Variants in TYW5 observed in about 807,000 individuals in gnomAD.
TYW5 encodes tRNA-yW synthesizing protein 5, also known as tRNA wybutosine-synthesizing protein 5.
TYW5 carries 36 observed loss-of-function variants against 44.4 expected under a neutral mutation model. The ratio of observed to expected loss-of-function variants is 0.81; its 90% CI spans 0.62 to 1.07. TYW5 has a LOEUF of 1.07. Ranked by LOEUF, TYW5 falls within the 50% of genes least tolerant of loss-of-function variation. The pLI, the probability that TYW5 is intolerant of heterozygous loss-of-function variation, is 0.00. For missense variants in TYW5, 354 were observed against 365.7 expected, an observed-to-expected ratio of 0.97 and a Z score of 0.26; for synonymous variants, 121 against 128.1, an observed-to-expected ratio of 0.94 and a Z score of 0.37.
intron 1 of TYW5, among the ~76,000 whole-genome samples, chr2:199,952,610 T>C (rs7556976): frequency 0.14 from 21,001 of 152,292 alleles, 1,761 homozygotes; most frequent in Middle Eastern, 0.23. Flanking sequence ...TCTCCCACTT[T>C]GTATTTGTCT....
At chr2:199,937,414 G>C (rs1487565505) in intron 5 of TYW5, among the ~76,000 whole-genome samples, 1 of 151,774 alleles carries the variant, frequency 6.6e-6, no homozygotes, top group Non-Finnish European at 1.5e-5. Context: ...TGTAATCCTA[G>C]TACTTTGGGA....
intron 1 of TYW5, among the ~76,000 whole-genome samples, chr2:199,951,243 C>T (rs2077542406): frequency 6.6e-6 from 1 of 152,108 alleles, no homozygotes; most frequent in African/African-American, 2.4e-5. Flanking sequence ...GTTGCAGCTT[C>T]CAAGAACCTA....
chr2:199,940,192 T>C, intron 3 of TYW5, 59 bp from the exon 4 acceptor site: 1 of 1,486,220 alleles, frequency 6.7e-7, no homozygotes, highest in Non-Finnish European at 9.4e-7. Flanking sequence ...AATGTAAAAA[T>C]ACTAGGATTT....
In TYW5 at chr2:199,931,624, G is replaced by GAGT. The variant is rs1405768080; in HGVS notation, c.*1440_*1442dup. ...AGACTTTTTTCACCTTTATTCACCTGAGTAACTTACCTGTTTCCAAAGACA... is the reference window on the plus strand; with the variant it reads ...AGACTTTTTTCACCTTTATTCACCTGAGTAGTAACTTACCTGTTTCCAAAGACA... On this transcript the variant is annotated 3_prime_UTR_variant, in exon 8 of 8. Coordinates refer to ENST00000354611, the MANE Select transcript of TYW5 (RefSeq NM_001039693.3). The GAGT allele has an allele frequency of 6.6e-6, 1 of 152,062 alleles. No homozygotes were observed. Among genetic ancestry groups the GAGT allele is most frequent in the African/African-American group, 2.4e-5 (1 of 41,422 alleles). 9.4% of individuals were successfully genotyped at this position (152,062 alleles called of 1,614,324 possible). A position where few individuals can be genotyped will look rare whatever the true frequency, so the allele number is the denominator to read the frequency against.
At chr2:199,940,221 C>CA in intron 3 of TYW5, 88 bp from the exon 4 acceptor site, 1 of 1,178,612 alleles carries the variant, frequency 8.5e-7, no homozygotes, top group East Asian at 2.4e-5. Flanking sequence ...ATCATGTATT[C>CA]ATAATAATTA....
chr2:199,946,691 G>C (rs940364282), intron 2 of TYW5: 5 of 151,990 alleles, frequency 3.3e-5, no homozygotes, highest in African/African-American at 1.2e-4. Context: ...GTGTGTGCAG[G>C]GTTTCTTACT....
chr2:199,933,227 G>A lies in TYW5; in HGVS notation c.788C>T (p.Thr263Ile), dbSNP rs1405989806. 3.7e-6 allele frequency: 6 copies of A among 1,613,852 alleles called. No homozygotes were observed. The African/African-American group carries it at 5.3e-5, about 14-fold the overall frequency. Residue 263 changes from threonine (T) to isoleucine (I), a missense_variant, in exon 8 of 8, where the codon ACC (threonine) becomes ATC (isoleucine). Thr to Ile is a moderately conservative substitution (Grantham distance 89). Transcript: ENST00000354611. ...TGCTGTAGGATCTTTGTTTCCATAG[G>A]TATCTGTTTTATCATAGCATTCAGA... ...LPSECYDKTD[T>I]YGNKDPTAAS...
chr2:199,948,431 A>G lies in TYW5; in HGVS notation c.120T>C (p.Cys40=). 1 of 1,614,156 alleles carries G rather than the reference A, an allele frequency of 6.2e-7. No individual in the cohort carries two copies. Among genetic ancestry groups the G allele is most frequent in the Non-Finnish European group, 8.5e-7 (1 of 1,180,006 alleles). ...GGTAATCCACTGTCCATTTGCTTGTACATGGCCCCAAATCAATCCCTTCCA... is the reference window on the plus strand; with the variant it reads ...GGTAATCCACTGTCCATTTGCTTGTGCATGGCCCCAAATCAATCCCTTCCA... ...LVLEGIDLGP[C]TSKWTVDYLS... is the part of the protein sequence containing the mutation. Residue 40 remains cysteine (C), a synonymous_variant, in exon 2 of 8, where the codon TGT becomes TGC. Coordinates refer to ENST00000354611, the MANE Select transcript of TYW5 (RefSeq NM_001039693.3).
At chr2:199,953,020 T>G (rs1428501016) in intron 1 of TYW5, among the ~76,000 whole-genome samples, 2 of 152,176 alleles carry the variant, frequency 1.3e-5, no homozygotes, top group Non-Finnish European at 2.9e-5. Flanking sequence ...CTATGAATTT[T>G]GGGTGAAAAT....
rs1268367549 is a variant in TYW5 at position 199,932,057 on chromosome 2, A to C, written c.*1010T>G. ...ATTTTGTAACATTCAAAAACCAAAA[A>C]CCACCCTGACATACTGGGTGGCAAG... On this transcript the variant is annotated 3_prime_UTR_variant, in exon 8 of 8. Coordinates refer to ENST00000354611, the MANE Select transcript of TYW5 (RefSeq NM_001039693.3). 1.3e-5 allele frequency: 2 copies of C among 152,080 alleles called. No individual in the cohort carries two copies. Among genetic ancestry groups the C allele is most frequent in the East Asian group, 3.9e-4 (2 of 5,192 alleles). 9.4% of individuals were successfully genotyped at this position (152,080 alleles called of 1,614,324 possible).
intron 2 of TYW5, chr2:199,947,375 T>C (rs1283736346): frequency 6.6e-6 from 1 of 152,206 alleles, no homozygotes; most frequent in Non-Finnish European, 1.5e-5. Flanking sequence ...AAATAGCAAA[T>C]GAAATCTGCA....
chr2:199,946,976 C>T (rs1382459972), intron 2 of TYW5: 1 of 152,158 alleles, frequency 6.6e-6, no homozygotes, highest in African/African-American at 2.4e-5. Flanking sequence ...ATTGGACTCC[C>T]TGGAAAATAA....
chr2:199,931,187 T>TATC lies in TYW5; in HGVS notation c.*1877_*1879dup, dbSNP rs2077374608. 6.6e-6 allele frequency: 1 copy of TATC among 152,166 alleles called. No individual in the cohort carries two copies. The highest frequency in any genetic ancestry group is 1.5e-5 in the Non-Finnish European group (1 of 68,028). The allele number at this position is 152,166 out of a possible 1,614,324, so 9.4% of individuals were successfully genotyped here. A position where few individuals can be genotyped will look rare whatever the true frequency, so the allele number is the denominator to read the frequency against. ...ATTAAATAGAAGAACTAGCACCAGT[T>TATC]ATCAACTATGTGCCTGCCCTTGAAC... is the stretch of plus-strand genomic sequence containing the variant. On this transcript the variant is annotated 3_prime_UTR_variant, in exon 8 of 8. Coordinates refer to ENST00000354611, the MANE Select transcript of TYW5 (RefSeq NM_001039693.3).
At chr2:199,949,600 A>G (rs925660765) in intron 1 of TYW5, among the ~76,000 whole-genome samples, 1 of 152,212 alleles carries the variant, frequency 6.6e-6, no homozygotes, top group African/African-American at 2.4e-5. Context: ...AGTATAGGCC[A>G]GCTATTTTGT....
At position 199,932,877 on chromosome 2, in the gene TYW5, A is replaced by AT; in HGVS notation, c.*189dup. On this transcript the variant is annotated 3_prime_UTR_variant, in exon 8 of 8. Coordinates refer to ENST00000354611, the MANE Select transcript of TYW5 (RefSeq NM_001039693.3). Reference sequence around the variant, plus strand: ...TGGACTTTTAGTGGTCAGCATCTGAATGTTAAAGAGTGGTCCCAGCACAGC... The same window carrying AT: ...TGGACTTTTAGTGGTCAGCATCTGAATTGTTAAAGAGTGGTCCCAGCACAGC... 3 of 618,896 alleles carry AT rather than the reference A, an allele frequency of 4.8e-6. No individual in the cohort carries two copies. The highest frequency in any genetic ancestry group is 8.0e-6 in the Non-Finnish European group (3 of 377,244). 38.3% of individuals were successfully genotyped at this position (618,896 alleles called of 1,614,324 possible). A position where few individuals can be genotyped will look rare whatever the true frequency, so the allele number is the denominator to read the frequency against.
Position 199,931,088 on chromosome 2 carries a change from TCTAA to T in TYW5, c.*1975_*1978del, listed in dbSNP as rs963463209. On this transcript the variant is annotated 3_prime_UTR_variant, in exon 8 of 8. Coordinates refer to ENST00000354611, the MANE Select transcript of TYW5 (RefSeq NM_001039693.3). Reference sequence around the variant, plus strand: ...TTTAAAACATCCCAAAGGAAAGTTCTCTAACTTTTAAAATATTATAAATTAATAC... The same window carrying T: ...TTTAAAACATCCCAAAGGAAAGTTCTCTTTTAAAATATTATAAATTAATAC... The T allele has an allele frequency of 2.4e-4, 36 of 152,312 alleles. No individual in the cohort carries two copies. The highest frequency in any genetic ancestry group is 7.7e-4 in the African/African-American group (32 of 41,580). The allele number at this position is 152,312 out of a possible 1,614,324, so 9.4% of individuals were successfully genotyped here.
At chr2:199,948,869 T>C (rs912531642) in intron 1 of TYW5, among the ~76,000 whole-genome samples, 1 of 152,222 alleles carries the variant, frequency 6.6e-6, no homozygotes, top group Non-Finnish European at 1.5e-5. Context: ...ATTTGCTTTA[T>C]GATTTGTTCT....
Position 199,931,596 on chromosome 2 carries a change from A to G in TYW5, c.*1471T>C, listed in dbSNP as rs1411849775. ...GGCTAATATAATCATTCCTTTTCTG[A>G]CAAGACTTTTTTCACCTTTATTCAC... On this transcript the variant is annotated 3_prime_UTR_variant, in exon 8 of 8. Coordinates refer to ENST00000354611, the MANE Select transcript of TYW5 (RefSeq NM_001039693.3). 6.6e-6 allele frequency: 1 copy of G among 152,178 alleles called. No homozygotes were observed. Among genetic ancestry groups the G allele is most frequent in the Non-Finnish European group, 1.5e-5 (1 of 68,014 alleles). The allele number at this position is 152,178 out of a possible 1,614,324, so 9.4% of individuals were successfully genotyped here.
At chr2:199,940,544 G>A (rs1574799579) in intron 3 of TYW5, among the ~76,000 whole-genome samples, 1 of 151,812 alleles carries the variant, frequency 6.6e-6, no homozygotes. Context: ...TTGGGAGGCT[G>A]AGGCTGCAGT....
Sources: allele counts gnomAD v4.1 joint callset (sites outside exome capture counted in the v4.1 genomes callset), GRCh38; gene constraint gnomAD v4.1.1; transcripts MANE v1.5; gene names NCBI Gene and HGNC (gene_info 2026-07-23, HGNC 2026-07-21).